Variants in ZNF536 observed in about 807,000 individuals in gnomAD.
ZNF536 encodes zinc finger protein 536.
Under a neutral mutation model 84.5 loss-of-function variants are expected in ZNF536, and 13 were observed. The observed-to-expected ratio is 0.15, with a 90% CI of 0.10 to 0.24. ZNF536 has a LOEUF of 0.24. Ranked by LOEUF, ZNF536 falls within the 10% of genes least tolerant of loss-of-function variation. The pLI, the probability that ZNF536 is intolerant of heterozygous loss-of-function variation, is 1.00. For synonymous variants in ZNF536, 811 were observed against 742.5 expected (o/e 1.09, Z -1.50); for missense variants, 1,536 against 1,747.5 (o/e 0.88, Z 2.16).
chr19:30,351,261 A>G (rs1003128360), intron 2 of ZNF536, among the ~76,000 whole-genome samples: 1 of 152,250 alleles, frequency 6.6e-6, no homozygotes, highest in Non-Finnish European at 1.5e-5. Flanking sequence ...AATGCAGATG[A>G]CAGCAAAATA....
chr19:30,472,015 A>T (rs952769647), intron 2 of ZNF536, among the ~76,000 whole-genome samples: 4 of 152,088 alleles, frequency 2.6e-5, no homozygotes, highest in Non-Finnish European at 4.4e-5. Flanking sequence ...CCTGGCCTTG[A>T]CCGCCCCCAT....
At chr19:30,375,153 C>G (rs1568368954) in intron 1 of ZNF536, among the ~76,000 whole-genome samples, 1 of 150,236 alleles carries the variant, frequency 6.7e-6, no homozygotes, top group South Asian at 2.1e-4. Flanking sequence ...GGTGCAGGAA[C>G]GCGAGCCCCG....
At chr19:30,389,754 C>T (rs144042965) in intron 1 of ZNF536, among the ~76,000 whole-genome samples, 174 of 152,220 alleles carry the variant, frequency 1.1e-3, no homozygotes, top group African/African-American at 3.8e-3. Context: ...ATTTCTGTCC[C>T]GCCTAATAGC....
rs187359445 is a variant in ZNF536, at chr19:30,598,038, G to T, written c.169+48524G>T. On this transcript the variant is annotated intron_variant, in intron 1 of 1. Coordinates refer to the ZNF536 transcript ENST00000592773. ...ATACATTGTTGTTGATGGTGTTGTTGTATGCACATGTACACAGTACTTAGA... is the reference window on the plus strand; with the variant it reads ...ATACATTGTTGTTGATGGTGTTGTTTTATGCACATGTACACAGTACTTAGA... 9.2e-5 allele frequency among the ~76,000 whole-genome samples: 14 copies of T among 152,284 alleles called. No homozygotes were observed. The East Asian group carries it at 2.3e-3, about 25-fold the overall frequency.
chr19:30,593,642 AAC>A (rs769465838), intron 1 of ZNF536, among the ~76,000 whole-genome samples: 1 of 152,192 alleles, frequency 6.6e-6, no homozygotes. Context: ...GTCCGCGGGC[AAC>A]AGAGTTTTGC....
chr19:30,450,205 C>A (rs755170381), intron 2 of ZNF536, among the ~76,000 whole-genome samples: 2 of 151,618 alleles, frequency 1.3e-5, no homozygotes, highest in African/African-American at 4.9e-5. Flanking sequence ...TGTTGCCGAG[C>A]GAACAGCAGA....
chr19:30,491,403 G>A (rs773240336), intron 2 of ZNF536, among the ~76,000 whole-genome samples: 2 of 152,152 alleles, frequency 1.3e-5, no homozygotes, highest in South Asian at 2.1e-4. Flanking sequence ...TGACACCACA[G>A]TGTGTGTTGT....
chr19:30,402,328 G>A (rs565914028), intron 1 of ZNF536, among the ~76,000 whole-genome samples: 7 of 150,168 alleles, frequency 4.7e-5, no homozygotes, highest in Non-Finnish European at 1.0e-4. Context: ...ATAGTGGAGG[G>A]GAAAAAAAAA....
chr19:30,280,826 C>T (rs531189474), intron 1 of ZNF536, among the ~76,000 whole-genome samples: 20 of 152,234 alleles, frequency 1.3e-4, no homozygotes, highest in East Asian at 7.8e-4. Flanking sequence ...AGCTCTGGGA[C>T]GATATGGGAG....
chr19:30,601,475 A>G (rs2047681979), intron 1 of ZNF536, among the ~76,000 whole-genome samples: 1 of 152,288 alleles, frequency 6.6e-6, no homozygotes, highest in Non-Finnish European at 1.5e-5. Flanking sequence ...TCTCTGGGCT[A>G]CGCTAGGAGG....
chr19:30,706,181 A>G (rs2052217846), intron 1 of ZNF536, among the ~76,000 whole-genome samples: 1 of 152,198 alleles, frequency 6.6e-6, no homozygotes. Context: ...TAATGTGACA[A>G]TCGAAAGTAC....
intron 2 of ZNF536, among the ~76,000 whole-genome samples, chr19:30,477,668 C>T (rs574560975): frequency 6.6e-6 from 1 of 152,290 alleles, no homozygotes; most frequent in East Asian, 1.9e-4. Flanking sequence ...TGTCTGTCCC[C>T]TCTGGAAACT....
upstream of ZNF536, among the ~76,000 whole-genome samples, chr19:30,225,817 C>A (rs1272172424): frequency 2.7e-5 from 4 of 149,928 alleles, no homozygotes; most frequent in Non-Finnish European, 5.9e-5. Context: ...GCCCCCCCGT[C>A]CCCTCCCCCT....
chr19:30,513,953 T>C (rs2145577900), intron 2 of ZNF536, among the ~76,000 whole-genome samples: 1 of 152,240 alleles, frequency 6.6e-6, no homozygotes, highest in Middle Eastern at 3.4e-3. Context: ...CACTGACTGG[T>C]GAGGGGCACG....
intron 1 of ZNF536, among the ~76,000 whole-genome samples, chr19:30,426,617 G>A (rs918497817): frequency 1.3e-5 from 2 of 152,196 alleles, no homozygotes; most frequent in Admixed American, 6.5e-5. Context: ...GCAAATATCT[G>A]AAGCTATTTA....
intron 1 of ZNF536, among the ~76,000 whole-genome samples, chr19:30,283,341 C>CA (rs1405358585): frequency 6.6e-6 from 1 of 152,220 alleles, no homozygotes. Context: ...CCCTAGCCAG[C>CA]AGCTCTGCAT....
intron 1 of ZNF536, among the ~76,000 whole-genome samples, chr19:30,609,871 TATCCATCCATCCATCCACCCATTTATCC>T (rs1425944042): frequency 1.1e-3 from 116 of 109,218 alleles, no homozygotes; most frequent in Non-Finnish European, 1.9e-3. Context: ...TCCACCCATT[TATCCATCCATCCATCCACCCATTTATCC>T]ATCCATCCAT....
At chr19:30,675,379 C>A (rs894840339) in intron 1 of ZNF536, among the ~76,000 whole-genome samples, 2 of 152,160 alleles carry the variant, frequency 1.3e-5, no homozygotes, top group Non-Finnish European at 2.9e-5. Context: ...GGCCAGTGAG[C>A]AGAGACAGGT....
rs1054525413 is a variant in ZNF536, at chr19:30,477,417, A to G, written c.2170+31685A>G. On this transcript the variant is annotated intron_variant, in intron 2 of 4. Transcript: ENST00000355537. Reference sequence around the variant, plus strand: ...AAGTACTGATGGACCCAGTGTGTTGAATGAATTTCTGCGGAGTCGTATGAC... The same window carrying G: ...AAGTACTGATGGACCCAGTGTGTTGGATGAATTTCTGCGGAGTCGTATGAC... 5.3e-5 allele frequency among the ~76,000 whole-genome samples: 8 copies of G among 152,306 alleles called. No homozygotes were observed. The East Asian group carries it at 1.5e-3, about 29-fold the overall frequency.
Sources: gnomAD v4.1 joint callset for allele counts (sites outside exome capture counted in the v4.1 genomes callset) on GRCh38, gnomAD v4.1.1 for gene constraint, MANE v1.5 for transcripts, NCBI Gene and HGNC (gene_info 2026-07-23, HGNC 2026-07-21) for gene names.